Variants in PRKCE observed in about 807,000 individuals in gnomAD.
The protein encoded by PRKCE is protein kinase C epsilon.
Under a neutral mutation model 85.4 loss-of-function variants are expected in PRKCE, and 16 were observed. The ratio of observed to expected loss-of-function variants is 0.19; its 90% CI spans 0.13 to 0.28. PRKCE has a LOEUF of 0.28. Ranked by LOEUF, PRKCE falls within the 10% of genes least tolerant of loss-of-function variation. The probability of loss-of-function intolerance (pLI) is 1.00; values close to 1 mark genes in which losing one functional copy is unlikely to be tolerated. For missense variants in PRKCE, 573 were observed against 975.2 expected (o/e 0.59, Z 5.49); for synonymous variants, 388 against 371.5 (o/e 1.04, Z -0.51).
At chr2:45,853,120 C>T (rs981791401) in intron 2 of PRKCE, among the ~76,000 whole-genome samples, 5 of 152,172 alleles carry the variant, frequency 3.3e-5, no homozygotes, top group African/African-American at 1.2e-4. Flanking sequence ...TTCTCAAAAT[C>T]AATGCCTTTG....
Position 46,151,142 on chromosome 2 carries a change from T to C in PRKCE, c.1833T>C (p.Asn611=). The C allele has an allele frequency of 6.3e-7, 1 of 1,599,634 alleles. No individual in the cohort carries two copies. Among genetic ancestry groups the C allele is most frequent in the Non-Finnish European group, 8.5e-7 (1 of 1,179,936 alleles). Residue 611 remains asparagine (N), a synonymous_variant, in exon 13 of 15, where the codon AAT becomes AAC. Coordinates refer to ENST00000306156, the MANE Select transcript of PRKCE (RefSeq NM_005400.3). The part of the protein sequence containing the change: ...MAGQPPFEAD[N]EDDLFESILH... ...GACAGCCTCCCTTTGAGGCCGACAA[T>C]GAGGACGACCTATTTGAGTCCATCC...
At chr2:45,923,149 A>G (rs937457472) in intron 2 of PRKCE, among the ~76,000 whole-genome samples, 1 of 152,178 alleles carries the variant, frequency 6.6e-6, no homozygotes, top group Non-Finnish European at 1.5e-5. Flanking sequence ...GAAATAGAGG[A>G]GTAGGCCTTG....
chr2:45,948,997 T>C (rs897196180), intron 2 of PRKCE, among the ~76,000 whole-genome samples: 1 of 152,230 alleles, frequency 6.6e-6, no homozygotes, highest in African/African-American at 2.4e-5. Flanking sequence ...TTTTTACCCA[T>C]TCATTTGTTA....
intron 10 of PRKCE, among the ~76,000 whole-genome samples, chr2:46,042,269 C>T (rs1708259875): frequency 1.3e-5 from 2 of 152,052 alleles, no homozygotes; most frequent in South Asian, 4.2e-4. Context: ...GGTGAGTTCT[C>T]CCCTCCTGTT....
At chr2:46,015,112 G>C (rs1398067352) in intron 10 of PRKCE, among the ~76,000 whole-genome samples, 1 of 152,160 alleles carries the variant, frequency 6.6e-6, no homozygotes, top group East Asian at 1.9e-4. Context: ...AAAACTTAGG[G>C]GCTTGGTCAG....
intron 1 of PRKCE, among the ~76,000 whole-genome samples, chr2:45,696,192 G>T (rs1387313561): frequency 1.3e-5 from 2 of 148,946 alleles, no homozygotes; most frequent in Non-Finnish European, 3.0e-5. Flanking sequence ...CTGGCCTCAA[G>T]TGATCCTTTC....
intron 1 of PRKCE, among the ~76,000 whole-genome samples, chr2:45,686,836 G>A (rs1677335417): frequency 6.6e-6 from 1 of 152,128 alleles, no homozygotes; most frequent in Non-Finnish European, 1.5e-5. Flanking sequence ...AATATAGAAT[G>A]AAAATTTGTC....
chr2:45,902,072 T>C (rs1696619544), intron 2 of PRKCE, among the ~76,000 whole-genome samples: 1 of 152,164 alleles, frequency 6.6e-6, no homozygotes, highest in South Asian at 2.1e-4. Flanking sequence ...AGGAAATTAT[T>C]TCACCCTCAT....
chr2:45,677,819 A>C, intron 1 of PRKCE: 1 of 985,122 alleles, frequency 1.0e-6, no homozygotes, highest in Non-Finnish European at 1.2e-6. Context: ...CGTTGTGGAA[A>C]ATTCTGTTTC....
intron 10 of PRKCE, among the ~76,000 whole-genome samples, chr2:46,033,097 C>T (rs1340444400): frequency 6.6e-6 from 1 of 152,164 alleles, no homozygotes; most frequent in Non-Finnish European, 1.5e-5. Context: ...ACTTATGACG[C>T]AATGACAAGA....
At chr2:46,133,607 C>T (rs1674676873) in intron 11 of PRKCE, among the ~76,000 whole-genome samples, 1 of 152,044 alleles carries the variant, frequency 6.6e-6, no homozygotes, top group Non-Finnish European at 1.5e-5. Flanking sequence ...TCATAGAGAC[C>T]CTGCCCATCA....
chr2:45,770,439 A>G (rs185019888), intron 1 of PRKCE, among the ~76,000 whole-genome samples: 3 of 152,246 alleles, frequency 2.0e-5, no homozygotes, highest in Admixed American at 2.0e-4. Context: ...ATAGGCTGTG[A>G]GACACTAGAT....
intron 1 of PRKCE, among the ~76,000 whole-genome samples, chr2:45,792,918 C>A (rs1687143911): frequency 6.6e-6 from 1 of 152,186 alleles, no homozygotes; most frequent in Non-Finnish European, 1.5e-5. Flanking sequence ...CCTGCCTTAG[C>A]CTCCAGAGTA....
chr2:45,998,237 T>G (rs1381649067), intron 6 of PRKCE, among the ~76,000 whole-genome samples: 1 of 152,240 alleles, frequency 6.6e-6, no homozygotes, highest in African/African-American at 2.4e-5. Context: ...TGATTAATGT[T>G]TCTGCCTGCT....
chr2:45,778,582 G>C (rs1191589971), intron 1 of PRKCE, among the ~76,000 whole-genome samples: 1 of 152,106 alleles, frequency 6.6e-6, no homozygotes, highest in East Asian at 1.9e-4. Flanking sequence ...CAGACACTAA[G>C]GGCTCCTCAT....
chr2:45,661,270 C>T (rs1264062024), intron 1 of PRKCE, among the ~76,000 whole-genome samples: 4 of 151,804 alleles, frequency 2.6e-5, no homozygotes, highest in Non-Finnish European at 4.4e-5. Flanking sequence ...GCAACCTCTG[C>T]CTCCCGGGTT....
chr2:45,917,803 C>T (rs1189023901), intron 2 of PRKCE, among the ~76,000 whole-genome samples: 2 of 152,194 alleles, frequency 1.3e-5, no homozygotes, highest in Admixed American at 6.5e-5. Context: ...GCTGCAGGTC[C>T]CGAGCCCTGC....
In PRKCE at chr2:45,947,694, T is replaced by C. The variant is rs552496317; in HGVS notation, c.413-28735T>C. Among the ~76,000 whole-genome samples the C allele has an allele frequency of 4.6e-5, 7 of 152,308 alleles. No individual in the cohort carries two copies. The East Asian group carries it at 1.4e-3, about 29-fold the overall frequency. On this transcript the variant is annotated intron_variant, in intron 2 of 14. Coordinates refer to ENST00000306156, the MANE Select transcript of PRKCE (RefSeq NM_005400.3). ...GTTGTCTATAGTCCTTATAATTCTG[T>C]CAGTTTGATATTTTGCTTAATTATT...
In PRKCE at chr2:45,918,071, G is replaced by A. The variant is rs543526453; in HGVS notation, c.413-58358G>A. Among the ~76,000 whole-genome samples the A allele has an allele frequency of 3.0e-4, 45 of 152,342 alleles. 1 individual carries two copies. In the South Asian group the frequency reaches 8.9e-3, roughly 30 times the overall value. On this transcript the variant is annotated intron_variant, in intron 2 of 14. Coordinates refer to ENST00000306156, the MANE Select transcript of PRKCE (RefSeq NM_005400.3). ...GGCGCCTCTCCCTCCACACCTCCCTGCAACCTGAGGGAGCCGGCTCCGGCC... is the reference window on the plus strand; with the variant it reads ...GGCGCCTCTCCCTCCACACCTCCCTACAACCTGAGGGAGCCGGCTCCGGCC...
Sources: allele counts gnomAD v4.1 joint callset (sites outside exome capture counted in the v4.1 genomes callset), GRCh38; gene constraint gnomAD v4.1.1; transcripts MANE v1.5; gene names NCBI Gene and HGNC (gene_info 2026-07-23, HGNC 2026-07-21).